Variants in MYO1B observed in about 807,000 individuals in gnomAD.
MYO1B encodes the protein myosin IB.
In MYO1B, 72 loss-of-function variants were observed where a neutral mutation model predicts 159.7. The ratio of observed to expected loss-of-function variants is 0.45; its 90% CI spans 0.37 to 0.55. The LOEUF is 0.55. Ranked by LOEUF, MYO1B falls within the 20% of genes least tolerant of loss-of-function variation. The pLI, the probability that MYO1B is intolerant of heterozygous loss-of-function variation, is 0.00. For missense variants in MYO1B, 1,062 were observed against 1,364.8 expected (o/e 0.78, Z 3.50); for synonymous variants, 468 against 473.8 (o/e 0.99, Z 0.16).
At chr2:191,382,307 T>G (rs1252719196) in intron 14 of MYO1B, among the ~76,000 whole-genome samples, 2 of 152,210 alleles carry the variant, frequency 1.3e-5, no homozygotes, top group Non-Finnish European at 2.9e-5. Context: ...CTGAATTCTC[T>G]TTTATCTTTC....
intron 3 of MYO1B, among the ~76,000 whole-genome samples, chr2:191,316,571 T>C (rs991477955): frequency 6.6e-5 from 10 of 152,226 alleles, no homozygotes; most frequent in African/African-American, 2.4e-4. Flanking sequence ...TAGTCTAGAA[T>C]AGTTTTAGAA....
rs1236622347 is a variant in MYO1B at position 191,355,060 on chromosome 2, G to A, written c.562+4835G>A. ...AACTACAGCACAACCAGATACTTGA[G>A]GATTGTTTATATATTGGAGTTTGTC... On this transcript the variant is annotated intron_variant, in intron 7 of 30. Transcript: ENST00000392318. 2.0e-5 allele frequency among the ~76,000 whole-genome samples: 3 copies of A among 152,180 alleles called. No homozygotes were observed. In the East Asian group the frequency reaches 5.8e-4, roughly 29 times the overall value.
chr2:191,301,993 C>T (rs1013949072), intron 3 of MYO1B, among the ~76,000 whole-genome samples: 11 of 152,240 alleles, frequency 7.2e-5, no homozygotes, highest in South Asian at 2.1e-4. Flanking sequence ...TAGCTGTCCT[C>T]CCTGCTCTCC....
At position 191,414,590 on chromosome 2, in the gene MYO1B, C is replaced by T. The variant is rs1030494678; in HGVS notation, c.3080C>T (p.Ser1027Leu). 5.0e-6 allele frequency: 8 copies of T among 1,613,628 alleles called. No individual in the cohort carries two copies. The highest frequency in any genetic ancestry group is 6.8e-6 in the Non-Finnish European group (8 of 1,179,790). ...GACCAAAAGTCTGGACAAATCAAGT[C>T]AGAGGTTCCATTGGTGGATGTGACC... ...LADQKSGQIK[S>L]EVPLVDVTKV... The change falls in exon 29 of 31, where the codon TCA becomes TTA. Residue 1027 changes from serine to leucine, a missense_variant. By Grantham distance (145) the Ser-to-Leu change is moderately radical. This residue lies in a region of MYO1B where 609 missense variants were observed against 744.4 expected (regional missense o/e 0.82). Coordinates refer to ENST00000392318, the MANE Select transcript of MYO1B (RefSeq NM_001130158.3).
intron 1 of MYO1B, among the ~76,000 whole-genome samples, chr2:191,250,762 G>C (rs967259248): frequency 1.3e-5 from 2 of 152,178 alleles, no homozygotes; most frequent in African/African-American, 4.8e-5. Context: ...CTAGCCCAGA[G>C]GTCAAGCCTC....
chr2:191,292,171 G>A (rs1440107775), intron 2 of MYO1B, among the ~76,000 whole-genome samples: 1 of 152,176 alleles, frequency 6.6e-6, no homozygotes, highest in Non-Finnish European at 1.5e-5. Context: ...TTCTTTTAGT[G>A]TTTGCTTATT....
intron 20 of MYO1B, among the ~76,000 whole-genome samples, chr2:191,394,260 C>G (rs1490364788): frequency 6.6e-6 from 1 of 152,168 alleles, no homozygotes; most frequent in Non-Finnish European, 1.5e-5. Flanking sequence ...ACTGTTGTCA[C>G]CCAGCCTGGT....
At chr2:191,374,654 C>G (rs1694585132) in intron 13 of MYO1B, among the ~76,000 whole-genome samples, 1 of 152,058 alleles carries the variant, frequency 6.6e-6, no homozygotes, top group African/African-American at 2.4e-5. Context: ...CACATGTGAT[C>G]CGATGTCAGT....
chr2:191,336,817 T>A (rs1691881445), intron 4 of MYO1B, among the ~76,000 whole-genome samples: 1 of 152,222 alleles, frequency 6.6e-6, no homozygotes, highest in East Asian at 1.9e-4. Flanking sequence ...GGTCTAGGGC[T>A]CTGAACCACC....
intron 3 of MYO1B, among the ~76,000 whole-genome samples, chr2:191,325,525 AT>A (rs1690998885): frequency 6.6e-6 from 1 of 152,168 alleles, no homozygotes; most frequent in Non-Finnish European, 1.5e-5. Context: ...TTGGAGAATG[AT>A]TTCTCAAGCA....
At chr2:191,262,078 A>T (rs1686846215) in intron 1 of MYO1B, among the ~76,000 whole-genome samples, 1 of 152,122 alleles carries the variant, frequency 6.6e-6, no homozygotes, top group Admixed American at 6.5e-5. Flanking sequence ...CTTTTATGAT[A>T]GACTCATCTG....
intron 9 of MYO1B, among the ~76,000 whole-genome samples, chr2:191,362,752 A>C (rs985562217): frequency 6.6e-6 from 1 of 152,236 alleles, no homozygotes; most frequent in Non-Finnish European, 1.5e-5. Flanking sequence ...CTTTTTATAT[A>C]GTTTCAGAAA....
chr2:191,260,956 A>G (rs1292985044), intron 1 of MYO1B, among the ~76,000 whole-genome samples: 2 of 152,234 alleles, frequency 1.3e-5, no homozygotes, highest in African/African-American at 4.8e-5. Context: ...GTAATACCAT[A>G]GTACTATTCA....
At chr2:191,353,513 C>T (rs1693060248) in intron 7 of MYO1B, among the ~76,000 whole-genome samples, 1 of 152,180 alleles carries the variant, frequency 6.6e-6, no homozygotes. Flanking sequence ...ATGGACTAGA[C>T]AGGTCGTCTT....
At chr2:191,330,476 A>G (rs1262553114) in intron 4 of MYO1B, among the ~76,000 whole-genome samples, 1 of 152,244 alleles carries the variant, frequency 6.6e-6, no homozygotes, top group Non-Finnish European at 1.5e-5. Flanking sequence ...TGAAGCCTGA[A>G]GAATTGAGAT....
At chr2:191,414,438 C>A in intron 28 of MYO1B, 79 bp from the exon 29 acceptor site, 1 of 1,351,510 alleles carries the variant, frequency 7.4e-7, no homozygotes, top group Non-Finnish European at 9.9e-7. Flanking sequence ...GGAATTTTTG[C>A]AAATAATGCC....
At chr2:191,338,911 ACTGT>A (rs1010854812) in intron 4 of MYO1B, among the ~76,000 whole-genome samples, 5 of 152,216 alleles carry the variant, frequency 3.3e-5, no homozygotes, top group African/African-American at 1.2e-4. Flanking sequence ...TATATTTGCC[ACTGT>A]CTAAGACAGT....
Position 191,250,044 on chromosome 2 carries a change from G to A in MYO1B, c.-10+4418G>A, listed in dbSNP as rs553865083. Among the ~76,000 whole-genome samples, 40 of 152,306 alleles carry A rather than the reference G, an allele frequency of 2.6e-4. 1 individual carries two copies. The highest frequency in any genetic ancestry group is 8.9e-4 in the African/African-American group (37 of 41,548). ...AGTTCATATTTTATTAAGCACACAG[G>A]TCATGCAAGACAATGCATTAGACCC... On this transcript the variant is annotated intron_variant, in intron 1 of 30. Transcript: ENST00000392318.
At chr2:191,249,840 A>C (rs933278079) in intron 1 of MYO1B, among the ~76,000 whole-genome samples, 1 of 152,160 alleles carries the variant, frequency 6.6e-6, no homozygotes, top group Non-Finnish European at 1.5e-5. Flanking sequence ...ATTCTCCTCC[A>C]CTGGCTATTT....
Sources: allele counts gnomAD v4.1 joint callset (sites outside exome capture counted in the v4.1 genomes callset), GRCh38; gene constraint gnomAD v4.1.1; regional missense constraint gnomAD v4.1.1; transcripts MANE v1.5; gene names NCBI Gene and HGNC (gene_info 2026-07-23, HGNC 2026-07-21).